KCTD8: variants seen among roughly 807,000 people sequenced by gnomAD.
KCTD8 encodes the protein potassium channel tetramerization domain containing 8, also known as BTB/POZ domain-containing protein KCTD8.
A neutral mutation model predicts 31.5 loss-of-function variants in KCTD8; 27 were observed. That is an observed-to-expected ratio of 0.86 (90% CI 0.63 to 1.18). The LOEUF is 1.18. Ranked by LOEUF, KCTD8 falls within the 50% of genes most tolerant of loss-of-function variation. The pLI, the probability that KCTD8 is intolerant of heterozygous loss-of-function variation, is 0.00. For missense variants in KCTD8, 658 were observed against 647.7 expected, an observed-to-expected ratio of 1.02 and a Z score of -0.17; for synonymous variants, 290 against 280.0, an observed-to-expected ratio of 1.04 and a Z score of -0.36.
intron 1 of KCTD8, among the ~76,000 whole-genome samples, chr4:44,349,869 A>G (rs1719153470): frequency 6.6e-6 from 1 of 152,150 alleles, no homozygotes; most frequent in African/African-American, 2.4e-5. Context: ...TTAAATTGGC[A>G]TCCAATACCC....
rs543807674 is a variant in KCTD8 at position 44,437,761 on chromosome 4, A to T, written c.961+9802T>A. ...AAGGTGAAAAAGACGATCAATTTCT[A>T]CCATTTTCTCCCTAAAGAACTGAGC... On this transcript the variant is annotated intron_variant, in intron 1 of 1. Coordinates refer to ENST00000360029, the MANE Select transcript of KCTD8 (RefSeq NM_198353.3). Among the ~76,000 whole-genome samples the T allele has an allele frequency of 2.6e-5, 4 of 152,270 alleles. No homozygotes were observed. In the East Asian group the frequency reaches 7.7e-4, roughly 29 times the overall value.
intron 1 of KCTD8, among the ~76,000 whole-genome samples, chr4:44,433,082 A>G (rs984307437): frequency 6.6e-6 from 1 of 151,690 alleles, no homozygotes; most frequent in East Asian, 1.9e-4. Flanking sequence ...GAGCTTGCAT[A>G]TGGAACATTT....
At chr4:44,365,840 T>G (rs1298814899) in intron 1 of KCTD8, among the ~76,000 whole-genome samples, 2 of 152,174 alleles carry the variant, frequency 1.3e-5, no homozygotes, top group African/African-American at 2.4e-5. Context: ...AAGTCTTGTA[T>G]AATTGGGAAA....
intron 1 of KCTD8, among the ~76,000 whole-genome samples, chr4:44,242,654 C>A (rs1330284292): frequency 6.6e-6 from 1 of 151,972 alleles, no homozygotes; most frequent in African/African-American, 2.4e-5. Context: ...TCCTCTCCCC[C>A]ATAGTGAAAT....
intron 1 of KCTD8, among the ~76,000 whole-genome samples, chr4:44,220,866 T>C (rs1714789198): frequency 6.6e-6 from 1 of 152,122 alleles, no homozygotes; most frequent in Admixed American, 6.6e-5. Flanking sequence ...ATTTATTTAT[T>C]TTTACCATAA....
intron 1 of KCTD8, among the ~76,000 whole-genome samples, chr4:44,271,070 G>C (rs973651190): frequency 2.0e-5 from 3 of 152,040 alleles, no homozygotes; most frequent in African/African-American, 7.2e-5. Flanking sequence ...TCACAAAGAG[G>C]CGTGAATTTA....
intron 1 of KCTD8, among the ~76,000 whole-genome samples, chr4:44,219,905 T>C (rs1714759868): frequency 6.6e-6 from 1 of 152,198 alleles, no homozygotes; most frequent in African/African-American, 2.4e-5. Flanking sequence ...CAAAGACAAA[T>C]TATCTGTAAG....
intron 1 of KCTD8, among the ~76,000 whole-genome samples, chr4:44,206,488 C>A (rs756359293): frequency 2.6e-5 from 4 of 152,072 alleles, no homozygotes; most frequent in Non-Finnish European, 5.9e-5. Flanking sequence ...TAGGTTATTG[C>A]CACCTCTTTT....
intron 1 of KCTD8, among the ~76,000 whole-genome samples, chr4:44,182,329 C>T (rs1004870966): frequency 2.6e-5 from 4 of 152,052 alleles, no homozygotes; most frequent in African/African-American, 7.2e-5. Flanking sequence ...ATGAAGATGG[C>T]GGTTTTGTGG....
At chr4:44,256,803 C>A (rs1716005827) in intron 1 of KCTD8, among the ~76,000 whole-genome samples, 1 of 151,892 alleles carries the variant, frequency 6.6e-6, no homozygotes, top group Non-Finnish European at 1.5e-5. Context: ...AAGGCAAGAA[C>A]TTCAAGGAGA....
At chr4:44,306,161 T>G (rs562095491) in intron 1 of KCTD8, among the ~76,000 whole-genome samples, 1 of 151,786 alleles carries the variant, frequency 6.6e-6, no homozygotes, top group Non-Finnish European at 1.5e-5. Context: ...AGAAATGAAA[T>G]AATAAATGTA....
At chr4:44,215,991 G>T (rs898173337) in intron 1 of KCTD8, among the ~76,000 whole-genome samples, 1 of 152,002 alleles carries the variant, frequency 6.6e-6, no homozygotes, top group Non-Finnish European at 1.5e-5. Flanking sequence ...GAAACCAAAA[G>T]GCACTTTAAA....
At chr4:44,414,022 C>T (rs1721017270) in intron 1 of KCTD8, among the ~76,000 whole-genome samples, 1 of 152,100 alleles carries the variant, frequency 6.6e-6, no homozygotes. Flanking sequence ...CCCCTTGAGC[C>T]TCCAGAAGAA....
chr4:44,425,445 A>G (rs548918624), intron 1 of KCTD8, among the ~76,000 whole-genome samples: 9 of 152,052 alleles, frequency 5.9e-5, no homozygotes, highest in Non-Finnish European at 1.2e-4. Flanking sequence ...TTTAATAAAA[A>G]TAAGGAGATA....
At chr4:44,382,730 CAA>C (rs34629884) in intron 1 of KCTD8, among the ~76,000 whole-genome samples, 3 of 138,456 alleles carry the variant, frequency 2.2e-5, no homozygotes, top group African/African-American at 2.7e-5. Flanking sequence ...AACTCCATTT[CAA>C]AAAAAAAAAA....
At chr4:44,269,095 C>T (rs999793997) in intron 1 of KCTD8, among the ~76,000 whole-genome samples, 7 of 152,058 alleles carry the variant, frequency 4.6e-5, no homozygotes, top group African/African-American at 1.7e-4. Flanking sequence ...CAATCCTAAG[C>T]CAAAAGAACA....
At chr4:44,218,191 T>G (rs147720281) in intron 1 of KCTD8, among the ~76,000 whole-genome samples, 4 of 128,456 alleles carry the variant, frequency 3.1e-5, no homozygotes, top group African/African-American at 6.0e-5. Context: ...TGGAGTACGG[T>G]GGCGCAATCT....
chr4:44,406,759 G>A (rs1428013673), intron 1 of KCTD8, among the ~76,000 whole-genome samples: 1 of 151,964 alleles, frequency 6.6e-6, no homozygotes, highest in East Asian at 1.9e-4. Context: ...ATAACATTTT[G>A]GGGAAAAAAA....
rs1429464940 is a variant in KCTD8, at chr4:44,448,377, G to A, written c.147C>T (p.Asn49=). 19 of 1,591,784 alleles carry A rather than the reference G, an allele frequency of 1.2e-5. No homozygotes were observed. Among genetic ancestry groups the A allele is most frequent in the Non-Finnish European group, 1.4e-5 (16 of 1,170,488 alleles). Residue 49 remains asparagine, a synonymous_variant, in exon 1 of 2, where the codon AAC becomes AAT. Transcript: ENST00000360029. This position sits in a 1 kb window ranked among gnomAD's most constrained non-coding sequence, Gnocchi z 4.1. ...PSPFPEVVEL[N]VGGQVYVTKH... ...TGGTCACATAAACCTGGCCGCCTAC[G>A]TTCAGCTCCACTACTTCAGGGAAGG...
Sources: gnomAD v4.1 joint callset for allele counts (sites outside exome capture counted in the v4.1 genomes callset) on GRCh38, gnomAD v4.1.1 for gene constraint, Gnocchi (gnomAD v3.1) non-coding constraint, MANE v1.5 for transcripts, NCBI Gene and HGNC (gene_info 2026-07-23, HGNC 2026-07-21) for gene names.